The following SENP2 variants were observed in gnomAD, a reference collection of about 807,000 sequenced individuals.
SENP2 encodes sentrin-specific protease 2.
SENP2 carries 16 observed loss-of-function variants against 86.3 expected under a neutral mutation model. The observed-to-expected ratio is 0.19, with a 90% confidence interval of 0.13 to 0.28. SENP2 has a LOEUF of 0.28. SENP2 is among the 10% of genes least tolerant of loss of function. SENP2 has a pLI of 1.00. For missense variants in SENP2, 552 were observed against 703.0 expected, an observed-to-expected ratio of 0.79 and a Z score of 2.43; for synonymous variants, 222 against 238.7, an observed-to-expected ratio of 0.93 and a Z score of 0.64.
intron 12 of SENP2, among the ~76,000 whole-genome samples, chr3:185,618,617 G>A (rs765388067): frequency 2.6e-4 from 40 of 152,150 alleles, no homozygotes; most frequent in Non-Finnish European, 4.9e-4. Context: ...GGTGGCTCAC[G>A]CCTGTAATCC....
At chr3:185,610,996 C>G (rs1722670719) in intron 7 of SENP2, among the ~76,000 whole-genome samples, 1 of 152,040 alleles carries the variant, frequency 6.6e-6, no homozygotes, top group South Asian at 2.1e-4. Context: ...CTGCTTCTGG[C>G]TGGGTGTGGT....
intron 14 of SENP2, 114 bp from the exon 15 acceptor site, chr3:185,623,884 G>T: frequency 1.6e-4 from 59 of 365,186 alleles, no homozygotes; most frequent in Admixed American, 2.8e-4. Context: ...AAAAGCTAAT[G>T]AATATGGATT....
intron 5 of SENP2, 90 bp from the exon 6 acceptor site, chr3:185,606,240 C>G: frequency 8.1e-7 from 1 of 1,232,162 alleles, no homozygotes; most frequent in East Asian, 2.4e-5. Flanking sequence ...TGACCTAAAG[C>G]AACTTAATCA....
At chr3:185,628,655 C>T (rs182652867) in intron 16 of SENP2, among the ~76,000 whole-genome samples, 129 of 152,180 alleles carry the variant, frequency 8.5e-4, no homozygotes, top group South Asian at 4.4e-3. Flanking sequence ...TACAGGAATG[C>T]GCCACCACCC....
intron 4 of SENP2, 37 bp from the exon 5 acceptor site, chr3:185,600,728 T>A: frequency 7.2e-7 from 1 of 1,395,482 alleles, no homozygotes; most frequent in Non-Finnish European, 1.0e-6. Flanking sequence ...TGCAAGTGAT[T>A]TTTCATTTTA....
rs549580458 is a variant in SENP2 at position 185,618,425 on chromosome 3, C to A, written c.1242+814C>A. Among the ~76,000 whole-genome samples the A allele has an allele frequency of 3.3e-5, 5 of 152,300 alleles. No individual in the cohort carries two copies. In the South Asian group the frequency reaches 1.0e-3, roughly 32 times the overall value. The stretch of plus-strand genomic sequence containing the variant: ...GTGGGTTCTTCCCCGAACTGCTTAG[C>A]CCCTGCATGTTCTCTCTTTGAGGGA... On this transcript the variant is annotated intron_variant, in intron 12 of 16. Transcript: ENST00000296257.
At chr3:185,616,580 C>A (rs1480042200) in intron 11 of SENP2, among the ~76,000 whole-genome samples, 1 of 151,708 alleles carries the variant, frequency 6.6e-6, no homozygotes, top group Non-Finnish European at 1.5e-5. Context: ...TCGAGACCAT[C>A]CTGGCTAACA....
intron 15 of SENP2, among the ~76,000 whole-genome samples, chr3:185,624,823 G>A (rs573947776): frequency 8.0e-5 from 12 of 149,354 alleles, no homozygotes; most frequent in African/African-American, 2.5e-4. Context: ...AGCCGAGATC[G>A]CACCACTGCA....
chr3:185,595,736 G>A (rs1017545296), intron 2 of SENP2, among the ~76,000 whole-genome samples: 2 of 151,990 alleles, frequency 1.3e-5, no homozygotes, highest in African/African-American at 2.4e-5. Flanking sequence ...GAGGAAGTGA[G>A]GAAAGCACTG....
chr3:185,599,886 G>C (rs12374077), intron 4 of SENP2, among the ~76,000 whole-genome samples: 57,142 of 149,464 alleles, frequency 0.38, 11,141 homozygotes, highest in South Asian at 0.56. Flanking sequence ...CTCGGCTCCA[G>C]CTCCTGGGTT....
chr3:185,614,652 G>T lies in SENP2; in HGVS notation c.1022G>T (p.Arg341Met), dbSNP rs778916822. 8.7e-6 allele frequency: 14 copies of T among 1,614,214 alleles called. No individual in the cohort carries two copies. The highest frequency in any genetic ancestry group is 1.1e-5 in the Non-Finnish European group (13 of 1,180,042). The change falls in exon 11 of 17, where the codon AGG becomes ATG. Residue 341 changes from arginine to methionine, a missense_variant. This residue lies in a region of SENP2 where 383 missense variants were observed against 427.3 expected (regional missense o/e 0.90). Transcript: ENST00000296257. ...LGSGSNGLLR[R>M]KVSIIETKEK... is the part of the protein sequence containing the mutation. ...AGTGGAAGCAATGGCTTACTCAGGA[G>T]GAAAGTGTCAATAATTGAGACAAAG...
intron 1 of SENP2, among the ~76,000 whole-genome samples, chr3:185,588,442 C>T (rs1175274738): frequency 6.6e-6 from 1 of 152,184 alleles, no homozygotes; most frequent in Non-Finnish European, 1.5e-5. Context: ...CCACCCGCCT[C>T]GGCCTCCCAA....
At position 185,621,818 on chromosome 3, in the gene SENP2, C is replaced by A; in HGVS notation, c.1447-8C>A. ...GATGTTTCTGGATGTTATCTTTTTC[C>A]ATTATAGGTGATTGACCTAAGAAAA... On this transcript the variant is annotated splice_polypyrimidine_tract_variant and splice_region_variant and intron_variant, in intron 13 of 16. Coordinates refer to ENST00000296257, the MANE Select transcript of SENP2 (RefSeq NM_021627.3). 6.5e-7 allele frequency: 1 copy of A among 1,544,254 alleles called. No individual in the cohort carries two copies. The highest frequency in any genetic ancestry group is 1.1e-5 in the South Asian group (1 of 87,976).
At chr3:185,617,066 G>GTAAA (rs1403372670) in intron 11 of SENP2, among the ~76,000 whole-genome samples, 1 of 152,130 alleles carries the variant, frequency 6.6e-6, no homozygotes, top group Middle Eastern at 3.2e-3. Flanking sequence ...TACTTTAGAT[G>GTAAA]TAAATATTAT....
At chr3:185,624,829 C>T (rs965507455) in intron 15 of SENP2, among the ~76,000 whole-genome samples, 3 of 150,122 alleles carry the variant, frequency 2.0e-5, no homozygotes, top group African/African-American at 7.3e-5. Context: ...GATCGCACCA[C>T]TGCACTCCAG....
intron 2 of SENP2, among the ~76,000 whole-genome samples, chr3:185,594,113 AAAG>A (rs2148981634): frequency 6.6e-6 from 1 of 151,970 alleles, no homozygotes; most frequent in Non-Finnish European, 1.5e-5. Flanking sequence ...TTAAGCCAAA[AAAG>A]GAAGTCAGTT....
At chr3:185,615,005 G>A (rs1428865501) in intron 11 of SENP2, among the ~76,000 whole-genome samples, 1 of 152,110 alleles carries the variant, frequency 6.6e-6, no homozygotes, top group African/African-American at 2.4e-5. Flanking sequence ...CAGATTCTTT[G>A]TAAATTCTAA....
intron 2 of SENP2, among the ~76,000 whole-genome samples, chr3:185,593,003 T>C (rs1168985883): frequency 6.6e-6 from 1 of 152,146 alleles, no homozygotes; most frequent in Non-Finnish European, 1.5e-5. Context: ...AATGAAAATA[T>C]AAAAAATAAA....
At chr3:185,590,561 CA>C (rs1453416220) in intron 2 of SENP2, among the ~76,000 whole-genome samples, 1 of 143,496 alleles carries the variant, frequency 7.0e-6, no homozygotes, top group Non-Finnish European at 1.5e-5. Context: ...AAAAAAAAAA[CA>C]AAAAAACTTA....
Sources: allele counts gnomAD v4.1 joint callset (sites outside exome capture counted in the v4.1 genomes callset), GRCh38; gene constraint gnomAD v4.1.1; regional missense constraint gnomAD v4.1.1; transcripts MANE v1.5; gene names NCBI Gene and HGNC (gene_info 2026-07-23, HGNC 2026-07-21).